PCDH9: variants seen among roughly 807,000 people sequenced by gnomAD.
PCDH9 encodes the protein protocadherin 9, also known as protocadherin-9.
In PCDH9, 24 loss-of-function variants were observed where a neutral mutation model predicts 70.6. The observed-to-expected ratio is 0.34, with a 90% CI of 0.25 to 0.48. The LOEUF is 0.48. PCDH9 is among the 20% of genes least tolerant of loss of function. PCDH9 has a pLI of 0.99. For synonymous variants in PCDH9, 562 were observed against 558.5 expected, an observed-to-expected ratio of 1.01 and a Z score of -0.09; for missense variants, 1,281 against 1,503.6, an observed-to-expected ratio of 0.85 and a Z score of 2.45.
At chr13:66,999,645 A>C (rs1279788921) in intron 2 of PCDH9, among the ~76,000 whole-genome samples, 1 of 151,796 alleles carries the variant, frequency 6.6e-6, no homozygotes, top group Admixed American at 6.6e-5. Flanking sequence ...AGAAAAAAAC[A>C]AACAACCCCA....
At chr13:67,112,376 G>A (rs1402720544) in intron 2 of PCDH9, among the ~76,000 whole-genome samples, 1 of 152,120 alleles carries the variant, frequency 6.6e-6, no homozygotes, top group African/African-American at 2.4e-5. Context: ...TAGGTACTGT[G>A]TGGTGCCTAT....
chr13:67,007,996 T>C (rs2084384890), intron 2 of PCDH9, among the ~76,000 whole-genome samples: 1 of 152,154 alleles, frequency 6.6e-6, no homozygotes, highest in Non-Finnish European at 1.5e-5. Context: ...ATCATTCATA[T>C]TAGCATCCTT....
intron 2 of PCDH9, among the ~76,000 whole-genome samples, chr13:66,991,916 G>C (rs186215172): frequency 6.6e-6 from 1 of 152,230 alleles, no homozygotes; most frequent in East Asian, 1.9e-4. Context: ...TAATGTTTAG[G>C]AAGGTAGATA....
Position 66,832,256 on chromosome 13 carries a change from G to A in PCDH9, c.3138+71248C>T, listed in dbSNP as rs577219933. Among the ~76,000 whole-genome samples, 374 of 152,068 alleles carry A rather than the reference G, an allele frequency of 2.5e-3. 1 individual carries two copies. Among genetic ancestry groups the A allele is most frequent in the African/African-American group, 8.7e-3 (359 of 41,496 alleles). On this transcript the variant is annotated intron_variant, in intron 3 of 4. Coordinates refer to ENST00000377865, the MANE Select transcript of PCDH9 (RefSeq NM_203487.3). ...TTATAATAAATGTATGCCGTATGAC[G>A]TTTTATAGAGTTGAATTTACTCTAT... is the stretch of plus-strand genomic sequence containing the variant.
intron 2 of PCDH9, among the ~76,000 whole-genome samples, chr13:66,986,127 C>A (rs1270288403): frequency 1.3e-5 from 2 of 151,858 alleles, no homozygotes; most frequent in Non-Finnish European, 2.9e-5. Context: ...GAAGGGGAAG[C>A]AAACATGTCT....
At chr13:66,634,793 C>T (rs1461294068) in intron 3 of PCDH9, among the ~76,000 whole-genome samples, 1 of 151,990 alleles carries the variant, frequency 6.6e-6, no homozygotes, top group Non-Finnish European at 1.5e-5. Flanking sequence ...TATCCCCCAC[C>T]CCCTCCAAAA....
chr13:67,086,310 T>C (rs959491083), intron 2 of PCDH9, among the ~76,000 whole-genome samples: 2 of 152,202 alleles, frequency 1.3e-5, no homozygotes, highest in African/African-American at 4.8e-5. Context: ...TCAGTTACCA[T>C]ACTGTATTAA....
intron 4 of PCDH9, among the ~76,000 whole-genome samples, chr13:66,611,680 C>T (rs1268026088): frequency 6.6e-6 from 1 of 152,154 alleles, no homozygotes; most frequent in Non-Finnish European, 1.5e-5. Flanking sequence ...AACTAGTTAA[C>T]AAGAAATTTG....
At chr13:67,122,347 C>T (rs1009292679) in intron 2 of PCDH9, among the ~76,000 whole-genome samples, 22 of 152,080 alleles carry the variant, frequency 1.4e-4, no homozygotes, top group Middle Eastern at 6.8e-3. Flanking sequence ...AGGAATTCAT[C>T]GTTTAAAAAG....
At chr13:66,597,732 A>G (rs999270733) in intron 4 of PCDH9, among the ~76,000 whole-genome samples, 3 of 151,788 alleles carry the variant, frequency 2.0e-5, no homozygotes, top group African/African-American at 7.3e-5. Context: ...GAGAAGTGAG[A>G]CTACAACAAA....
chr13:66,761,749 A>C lies in PCDH9; in HGVS notation c.3139-130338T>G, dbSNP rs888140990. 4.6e-5 allele frequency among the ~76,000 whole-genome samples: 7 copies of C among 152,214 alleles called. No homozygotes were observed. The East Asian group carries it at 1.4e-3, about 29-fold the overall frequency. On this transcript the variant is annotated intron_variant, in intron 3 of 4. Transcript: ENST00000377865. ...AAATAAATAGCTCTGTTAAATTTCT[A>C]GTTCGGATAACATTGTTTTTCTCAT...
At chr13:66,779,089 C>G (rs2079948087) in intron 3 of PCDH9, among the ~76,000 whole-genome samples, 1 of 151,704 alleles carries the variant, frequency 6.6e-6, no homozygotes, top group South Asian at 2.1e-4. Flanking sequence ...AAATATGAGT[C>G]TCTTAGAGTT....
chr13:66,954,716 A>G (rs2083239967), intron 2 of PCDH9, among the ~76,000 whole-genome samples: 1 of 152,150 alleles, frequency 6.6e-6, no homozygotes, highest in Non-Finnish European at 1.5e-5. Context: ...CAGACCAAGA[A>G]TAGGGGCCCT....
intron 4 of PCDH9, among the ~76,000 whole-genome samples, chr13:66,549,387 C>A (rs1406387453): frequency 6.6e-6 from 1 of 151,820 alleles, no homozygotes; most frequent in Non-Finnish European, 1.5e-5. Context: ...CAGCTTTTTG[C>A]ACAAGTAGTG....
At chr13:66,522,237 A>T (rs911136241) in intron 4 of PCDH9, among the ~76,000 whole-genome samples, 11 of 151,840 alleles carry the variant, frequency 7.2e-5, no homozygotes, top group Non-Finnish European at 1.3e-4. Context: ...CATTTGTTTT[A>T]AAAAATCTTG....
chr13:66,650,281 T>C (rs1054872668), intron 3 of PCDH9, among the ~76,000 whole-genome samples: 4 of 151,608 alleles, frequency 2.6e-5, no homozygotes, highest in Non-Finnish European at 4.4e-5. Flanking sequence ...AATAAAGGGA[T>C]AGGAAAAGTC....
At chr13:66,858,689 T>C (rs1307960547) in intron 3 of PCDH9, among the ~76,000 whole-genome samples, 1 of 152,170 alleles carries the variant, frequency 6.6e-6, no homozygotes, top group East Asian at 1.9e-4. Context: ...AGACAGAGTT[T>C]GCTAAGTATT....
chr13:66,605,238 G>C (rs2077209106), intron 4 of PCDH9, among the ~76,000 whole-genome samples: 1 of 151,984 alleles, frequency 6.6e-6, no homozygotes, highest in Admixed American at 6.6e-5. Flanking sequence ...AATAATATTT[G>C]TACCAGTAGG....
At chr13:66,746,165 A>C (rs1427409927) in intron 3 of PCDH9, among the ~76,000 whole-genome samples, 1 of 152,160 alleles carries the variant, frequency 6.6e-6, no homozygotes, top group Non-Finnish European at 1.5e-5. Flanking sequence ...TTAGATTGCA[A>C]ACAATGTAAT....
Sources: gnomAD v4.1 joint callset for allele counts (sites outside exome capture counted in the v4.1 genomes callset) on GRCh38, gnomAD v4.1.1 for gene constraint, MANE v1.5 for transcripts, NCBI Gene and HGNC (gene_info 2026-07-23, HGNC 2026-07-21) for gene names.